KCNQ5: variants seen among roughly 807,000 people sequenced by gnomAD.
KCNQ5 encodes the protein potassium voltage-gated channel subfamily KQT member 5.
A neutral mutation model predicts 98.2 loss-of-function variants in KCNQ5; 30 were observed. That is an observed-to-expected ratio of 0.31 (90% CI 0.23 to 0.41). The LOEUF is 0.41. Ranked by LOEUF, KCNQ5 falls within the 10% of genes least tolerant of loss-of-function variation. The pLI is 1.00. For synonymous variants in KCNQ5, 458 were observed against 449.4 expected (o/e 1.02, Z -0.24); for missense variants, 835 against 1,182.5 (o/e 0.71, Z 4.31).
At position 72,665,545 on chromosome 6, in the gene KCNQ5, C is replaced by T. The variant is rs1267960462; in HGVS notation, c.398+42958C>T. On this transcript the variant is annotated intron_variant, in intron 1 of 13. Coordinates refer to ENST00000370398, the MANE Select transcript of KCNQ5 (RefSeq NM_019842.4). ...TAACTAGTTCTGTATGGATTATTCACGTTATAGATTGGCCATTACATAAGA... is the reference window on the plus strand; with the variant it reads ...TAACTAGTTCTGTATGGATTATTCATGTTATAGATTGGCCATTACATAAGA... Among the ~76,000 whole-genome samples the T allele has an allele frequency of 2.0e-5, 3 of 152,138 alleles. No individual in the cohort carries two copies. The East Asian group carries it at 5.8e-4, about 29-fold the overall frequency.
intron 10 of KCNQ5, chr6:73,158,254 ATTTTTTTT>A (rs796118861): frequency 8.5e-5 from 2 of 23,422 alleles, no homozygotes; most frequent in Admixed American, 6.7e-4. Flanking sequence ...ATTTTGGAAG[ATTTTTTTT>A]TTTTTTTTTT....
intron 1 of KCNQ5, among the ~76,000 whole-genome samples, chr6:72,912,894 G>C (rs1394924740): frequency 6.6e-6 from 1 of 152,060 alleles, no homozygotes; most frequent in East Asian, 1.9e-4. Flanking sequence ...AAGGACATGG[G>C]GACCTTTCAG....
intron 1 of KCNQ5, among the ~76,000 whole-genome samples, chr6:72,971,824 A>T (rs1458390414): frequency 6.6e-6 from 1 of 152,036 alleles, no homozygotes; most frequent in African/African-American, 2.4e-5. Flanking sequence ...GACATCACAC[A>T]CCAGGGCCTG....
chr6:72,863,869 G>C (rs554116933), intron 1 of KCNQ5, among the ~76,000 whole-genome samples: 1 of 152,164 alleles, frequency 6.6e-6, no homozygotes, highest in African/African-American at 2.4e-5. Context: ...ACAAATAATT[G>C]TAAGTCTTGT....
chr6:72,712,829 A>C (rs1769436068), intron 1 of KCNQ5, among the ~76,000 whole-genome samples: 1 of 152,282 alleles, frequency 6.6e-6, no homozygotes, highest in East Asian at 1.9e-4. Context: ...ACATAATTTG[A>C]GTCATAATTA....
chr6:72,655,026 GTCTT>G (rs55711635), intron 1 of KCNQ5, among the ~76,000 whole-genome samples: 13,911 of 105,142 alleles, frequency 0.13, 912 homozygotes, highest in Non-Finnish European at 0.18. Context: ...AGGTCTGTCT[GTCTT>G]TCTTTCTTTC....
chr6:73,133,432 G>GT lies in KCNQ5; in HGVS notation c.1263dup (p.Lys422Ter). On this transcript the variant is annotated frameshift_variant, in exon 10 of 14. Coordinates refer to ENST00000370398, the MANE Select transcript of KCNQ5 (RefSeq NM_019842.4). LOFTEE classifies it high-confidence loss of function. ...TCTGTTCTCCACAGTCAGAAGCTAA[G>GT]TTTTAAGGAGCGAGTGCGCATGGCT... 6.2e-7 allele frequency: 1 copy of GT among 1,614,114 alleles called. No homozygotes were observed. Among genetic ancestry groups the GT allele is most frequent in the Non-Finnish European group, 8.5e-7 (1 of 1,180,010 alleles).
intron 1 of KCNQ5, among the ~76,000 whole-genome samples, chr6:72,654,815 A>G (rs1222860960): frequency 1.3e-5 from 2 of 152,118 alleles, no homozygotes; most frequent in Non-Finnish European, 2.9e-5. Flanking sequence ...TTCTAGTGTG[A>G]TATTATTTTC....
rs558197810 is a variant in KCNQ5 at position 72,774,841 on chromosome 6, T to C, written c.398+152254T>C. Among the ~76,000 whole-genome samples the C allele has an allele frequency of 1.8e-4, 27 of 152,312 alleles. 2 individuals are homozygous for C. The highest frequency in any genetic ancestry group is 6.5e-4 in the African/African-American group (27 of 41,586). On this transcript the variant is annotated intron_variant, in intron 1 of 13. Transcript: ENST00000370398. ...TGGCAATTCCAAATGTTGTCAAGGA[T>C]GCAGAACAAATGGGACTTGTACCCT... is the stretch of plus-strand genomic sequence containing the variant.
In KCNQ5 at chr6:73,194,631, C is replaced by G. The variant is rs138731994; in HGVS notation, c.2016C>G (p.Asn672Lys). ...AAGATCTTTCGGGTTCCGCACAAAA[C>G]AGTGGCTGCTTATCCAGATCAACTA... ...DSKDLSGSAQ[N>K]SGCLSRSTSA... is the part of the protein sequence containing the mutation. The change falls in exon 14 of 14, where the codon AAC becomes AAG. Residue 672 changes from asparagine to lysine, a missense_variant. This residue lies in a region of KCNQ5 where 416 missense variants were observed against 446.9 expected (regional missense o/e 0.93). Coordinates refer to ENST00000370398, the MANE Select transcript of KCNQ5 (RefSeq NM_019842.4). The G allele has an allele frequency of 6.3e-5, 101 of 1,614,104 alleles. No individual in the cohort carries two copies. The highest frequency in any genetic ancestry group is 8.4e-5 in the Non-Finnish European group (99 of 1,180,044).
intron 1 of KCNQ5, among the ~76,000 whole-genome samples, chr6:72,667,708 A>G (rs2154473198): frequency 6.6e-6 from 1 of 152,360 alleles, no homozygotes; most frequent in East Asian, 1.9e-4. Flanking sequence ...TAATATCAAC[A>G]GTAATAAAAT....
rs542968834 is a variant in KCNQ5 at position 72,769,721 on chromosome 6, T to G, written c.398+147134T>G. Among the ~76,000 whole-genome samples the G allele has an allele frequency of 2.0e-5, 3 of 152,222 alleles. No individual in the cohort carries two copies. In the East Asian group the frequency reaches 5.8e-4, roughly 29 times the overall value. ...CCCACTAAAATGCAATTCTACACCT[T>G]CTGAAACTTCTTATTTCATAGCTTT... On this transcript the variant is annotated intron_variant, in intron 1 of 13. Transcript: ENST00000370398.
At chr6:72,874,781 A>G (rs1778345926) in intron 1 of KCNQ5, among the ~76,000 whole-genome samples, 1 of 152,202 alleles carries the variant, frequency 6.6e-6, no homozygotes, top group Non-Finnish European at 1.5e-5. Context: ...CATGTGCTTC[A>G]TTGAGTTACA....
At chr6:73,010,517 C>G (rs923696690) in intron 2 of KCNQ5, among the ~76,000 whole-genome samples, 3 of 151,700 alleles carry the variant, frequency 2.0e-5, no homozygotes, top group African/African-American at 7.3e-5. Flanking sequence ...GTACTAATTG[C>G]TAGCTAGAGC....
intron 1 of KCNQ5, among the ~76,000 whole-genome samples, chr6:72,769,464 T>C (rs1772745626): frequency 6.6e-6 from 1 of 152,014 alleles, no homozygotes; most frequent in Admixed American, 6.6e-5. Flanking sequence ...TAAAATAAAA[T>C]ATCGATGTCT....
intron 1 of KCNQ5, among the ~76,000 whole-genome samples, chr6:72,744,899 G>A (rs1466056360): frequency 6.6e-6 from 1 of 152,166 alleles, no homozygotes; most frequent in African/African-American, 2.4e-5. Context: ...TTAGAATGGG[G>A]AAGGTTTTTT....
At chr6:73,190,318 T>C (rs1429735608) in intron 11 of KCNQ5, among the ~76,000 whole-genome samples, 2 of 152,214 alleles carry the variant, frequency 1.3e-5, no homozygotes, top group African/African-American at 2.4e-5. Flanking sequence ...CAACGGACAT[T>C]AAAAAGGCAA....
chr6:72,679,286 C>A (rs181494428), intron 1 of KCNQ5, among the ~76,000 whole-genome samples: 1 of 152,046 alleles, frequency 6.6e-6, no homozygotes, highest in East Asian at 1.9e-4. Context: ...ATGTTTATTG[C>A]GACACTATTC....
At chr6:72,849,141 CACAT>C (rs932549611) in intron 1 of KCNQ5, among the ~76,000 whole-genome samples, 4 of 146,914 alleles carry the variant, frequency 2.7e-5, no homozygotes, top group Non-Finnish European at 6.0e-5. Flanking sequence ...CACACACACA[CACAT>C]ATGCACACGC....
Sources: gnomAD v4.1 joint callset for allele counts (sites outside exome capture counted in the v4.1 genomes callset) on GRCh38, gnomAD v4.1.1 for gene constraint, gnomAD v4.1.1 regional missense constraint, MANE v1.5 for transcripts, NCBI Gene and HGNC (gene_info 2026-07-23, HGNC 2026-07-21) for gene names.